TP53BP1: variants seen among roughly 807,000 people sequenced by gnomAD.
The protein encoded by TP53BP1 is tumor protein p53 binding protein 1, also known as TP53-binding protein 1.
In TP53BP1, 61 loss-of-function variants were observed where a neutral mutation model predicts 200.8. The ratio of observed to expected loss-of-function variants is 0.30; its 90% CI spans 0.25 to 0.38. The LOEUF (loss-of-function observed/expected upper bound fraction) is 0.38. TP53BP1 is among the 10% of genes least tolerant of loss of function. TP53BP1 has a pLI of 1.00. For synonymous variants in TP53BP1, 822 were observed against 844.3 expected (o/e 0.97, Z 0.46); for missense variants, 2,144 against 2,371.9 (o/e 0.90, Z 2.00).
At chr15:43,420,951 C>T (rs1005926824) in intron 20 of TP53BP1, 74 bp downstream of exon 20, 6 of 1,535,536 alleles carry the variant, frequency 3.9e-6, no homozygotes, top group Non-Finnish European at 5.3e-6. Context: ...ACCCCACAAA[C>T]TCTCTACTCC....
chr15:43,450,819 C>T (rs1191718133), intron 12 of TP53BP1, among the ~76,000 whole-genome samples: 1 of 150,792 alleles, frequency 6.6e-6, no homozygotes, highest in African/African-American at 2.5e-5. Flanking sequence ...ACCCTCCCCA[C>T]TCAGAATCTC....
At chr15:43,414,477 C>T (rs1345377445) in intron 23 of TP53BP1, among the ~76,000 whole-genome samples, 1 of 152,132 alleles carries the variant, frequency 6.6e-6, no homozygotes, top group African/African-American at 2.4e-5. Flanking sequence ...GGTGCCAGGA[C>T]AATGTAACAA....
At chr15:43,504,157 T>G (rs980131051) in intron 1 of TP53BP1, among the ~76,000 whole-genome samples, 1 of 152,042 alleles carries the variant, frequency 6.6e-6, no homozygotes, top group African/African-American at 2.4e-5. Context: ...AAACAAAAAT[T>G]TTTTGAGACA....
At chr15:43,476,689 G>A (rs1478710539) in intron 8 of TP53BP1, among the ~76,000 whole-genome samples, 3 of 152,332 alleles carry the variant, frequency 2.0e-5, no homozygotes, top group Non-Finnish European at 4.4e-5. Context: ...GTCTTGCACA[G>A]CAACCTGTAT....
intron 27 of TP53BP1, 117 bp from the exon 28 acceptor site, chr15:43,407,687 T>C: frequency 2.0e-6 from 2 of 998,234 alleles, no homozygotes; most frequent in South Asian, 3.4e-5. Flanking sequence ...AGCCCTATTA[T>C]GTCAAACACA....
chr15:43,407,892 G>A (rs1219456539), intron 27 of TP53BP1, 51 bp downstream of exon 27: 2 of 1,572,638 alleles, frequency 1.3e-6, no homozygotes, highest in Non-Finnish European at 1.7e-6. Context: ...AACACCTACA[G>A]GTCTAAGGAG....
intron 11 of TP53BP1, among the ~76,000 whole-genome samples, chr15:43,468,904 C>T (rs1056726972): frequency 4.6e-5 from 7 of 152,144 alleles, no homozygotes; most frequent in African/African-American, 1.4e-4. Context: ...AAAATGAAAT[C>T]CTTTAACAAA....
upstream of TP53BP1, among the ~76,000 whole-genome samples, chr15:43,496,215 CT>C (rs767672024): frequency 2.6e-5 from 4 of 152,162 alleles, no homozygotes; most frequent in Non-Finnish European, 5.9e-5. Context: ...AATTTTTCTT[CT>C]AATATTAATC....
rs766896189 is a variant in TP53BP1, at chr15:43,477,680, T to C, written c.868A>G (p.Met290Val). 9 of 1,613,784 alleles carry C rather than the reference T, an allele frequency of 5.6e-6. No homozygotes were observed. The highest frequency in any genetic ancestry group is 2.2e-5 in the East Asian group (1 of 44,868). The change falls in exon 8 of 28, where the codon ATG becomes GTG. Residue 290 changes from methionine to valine, a missense_variant. Physicochemically the swap from Met to Val is conservative, Grantham distance 21 (BLOSUM62 1). This residue lies in a region of TP53BP1 where 1,700 missense variants were observed against 1,710.3 expected (regional missense o/e 0.99). Transcript: ENST00000382044. ...AKEQLSAQEL[M>V]ESGLQIQKSP... ...TTCTGAATCTGCAGTCCACTTTCCA[T>C]AAGTTCTTGTGCAGACAACTGTTCT...
chr15:43,487,205 C>T (rs2079058155), intron 4 of TP53BP1, among the ~76,000 whole-genome samples: 1 of 151,824 alleles, frequency 6.6e-6, no homozygotes, highest in Non-Finnish European at 1.5e-5. Flanking sequence ...CAAGTAAGCA[C>T]ATGAAAAAAT....
chr15:43,419,358 T>G (rs1224690270), intron 21 of TP53BP1, among the ~76,000 whole-genome samples: 1 of 152,010 alleles, frequency 6.6e-6, no homozygotes, highest in East Asian at 1.9e-4. Context: ...GCATTTCACC[T>G]CTGTGGCATA....
intron 4 of TP53BP1, among the ~76,000 whole-genome samples, chr15:43,481,741 G>A (rs1485268204): frequency 6.6e-6 from 1 of 151,142 alleles, no homozygotes; most frequent in African/African-American, 2.4e-5. Context: ...CTCGAACCCA[G>A]GAGGCGGAGG....
intron 11 of TP53BP1, among the ~76,000 whole-genome samples, chr15:43,464,994 T>C (rs898647239): frequency 6.6e-6 from 1 of 151,752 alleles, no homozygotes; most frequent in Non-Finnish European, 1.5e-5. Flanking sequence ...GATAGATCAA[T>C]ACAAAAAAAG....
chr15:43,493,276 A>C, upstream of TP53BP1: 1 of 1,378,426 alleles, frequency 7.3e-7, no homozygotes. Flanking sequence ...CGTAAGAAAA[A>C]GGAACACGGC....
chr15:43,469,802 A>G, intron 11 of TP53BP1, 56 bp downstream of exon 11: 3 of 1,424,322 alleles, frequency 2.1e-6, no homozygotes, highest in South Asian at 2.3e-5. Flanking sequence ...TTATACCCCA[A>G]TAATGCTGCT....
chr15:43,408,174 A>AT, intron 26 of TP53BP1, 86 bp from the exon 27 acceptor site: 1 of 1,350,044 alleles, frequency 7.4e-7, no homozygotes, highest in South Asian at 1.4e-5. Context: ...GTACATCTGA[A>AT]TGCTTTCAAA....
rs2044770222 is a variant in TP53BP1, at chr15:43,403,993, C to CA, written c.*3389dup. 1.7e-6 allele frequency: 1 copy of CA among 587,202 alleles called. No individual in the cohort carries two copies. The highest frequency in any genetic ancestry group is 2.8e-5 in the East Asian group (1 of 35,314). 36.4% of individuals were successfully genotyped at this position (587,202 alleles called of 1,614,324 possible). On this transcript the variant is annotated 3_prime_UTR_variant, in exon 28 of 28. Transcript: ENST00000382044. ...TAATACTGTGCCACCTCACAGTGCT[C>CA]AAAAATAGTTCAGTCCTGAATAGTT...
intron 17 of TP53BP1, 49 bp from the exon 18 acceptor site, chr15:43,428,217 C>CA: frequency 5.3e-6 from 8 of 1,516,232 alleles, no homozygotes; most frequent in Non-Finnish European, 7.3e-6. Flanking sequence ...TGCAAGCTGT[C>CA]AAAATCACAA....
At chr15:43,466,740 C>T (rs1350626498) in intron 11 of TP53BP1, among the ~76,000 whole-genome samples, 1 of 152,072 alleles carries the variant, frequency 6.6e-6, no homozygotes. Context: ...GCCACTAGTC[C>T]TAGCTACTCA....
Sources: allele counts gnomAD v4.1 joint callset (sites outside exome capture counted in the v4.1 genomes callset), GRCh38; gene constraint gnomAD v4.1.1; regional missense constraint gnomAD v4.1.1; transcripts MANE v1.5; gene names NCBI Gene and HGNC (gene_info 2026-07-23, HGNC 2026-07-21).